Variants in CATSPERD observed in about 807,000 individuals in gnomAD.
The protein encoded by CATSPERD is catsper channel auxiliary subunit delta, also known as cation channel sperm-associated auxiliary subunit delta.
A neutral mutation model predicts 98.1 loss-of-function variants in CATSPERD; 86 were observed. That is an observed-to-expected ratio of 0.88 (90% CI 0.74 to 1.05). The LOEUF (loss-of-function observed/expected upper bound fraction) is 1.05. Ranked by LOEUF, CATSPERD falls within the 50% of genes least tolerant of loss-of-function variation. CATSPERD has a pLI of 0.00. For synonymous variants in CATSPERD, 394 were observed against 390.2 expected (o/e 1.01, Z -0.12); for missense variants, 995 against 1,005.7 (o/e 0.99, Z 0.14).
In CATSPERD at chr19:5,763,313, T is replaced by G. The variant is rs758768943; in HGVS notation, c.1506+20T>G. 6.2e-7 allele frequency: 1 copy of G among 1,600,300 alleles called. No individual in the cohort carries two copies. Among genetic ancestry groups the G allele is most frequent in the Non-Finnish European group, 8.6e-7 (1 of 1,167,410 alleles). On this transcript the variant is annotated intron_variant, in intron 16 of 21. Coordinates refer to ENST00000381624, the MANE Select transcript of CATSPERD (RefSeq NM_152784.4). Reference sequence around the variant, plus strand: ...CCACTGGTAGGTCCCAAATCTTTGCTGTCCCATATTCGGTGTCATAAGTGT... The same window carrying G: ...CCACTGGTAGGTCCCAAATCTTTGCGGTCCCATATTCGGTGTCATAAGTGT...
intron 19 of CATSPERD, chr19:5,772,318 C>A: frequency 4.2e-6 from 1 of 239,098 alleles, no homozygotes; most frequent in South Asian, 3.7e-5. Flanking sequence ...AGCTCTGCCT[C>A]CCGGGTTCAC....
At position 5,758,001 on chromosome 19, in the gene CATSPERD, C is replaced by T. The variant is rs540433753; in HGVS notation, c.1368+69C>T. 2,480 of 1,358,216 alleles carry T rather than the reference C, an allele frequency of 1.8e-3. 3 individuals are homozygous for T. The highest frequency in any genetic ancestry group is 2.4e-3 in the Non-Finnish European group (2,322 of 985,316). 84.1% of individuals were successfully genotyped at this position (1,358,216 alleles called of 1,614,324 possible). ...GGCCCCCTCTTCCTCCTTCCCTTAT[C>T]AGCATAAAAATTTAGGAGTTTCCAG... On this transcript the variant is annotated intron_variant, in intron 14 of 21. Transcript: ENST00000381624.
At position 5,763,847 on chromosome 19, in the gene CATSPERD, C is replaced by CTTTTTTTTTTTTTTTTTTTTTTTTTTTT; in HGVS notation, c.1506+572_1506+573insTTTTTTTTTTTTTTTTTTTTTTTTTTTT. Among the ~76,000 whole-genome samples, 128 of 62,096 alleles carry CTTTTTTTTTTTTTTTTTTTTTTTTTTTT rather than the reference C, an allele frequency of 2.1e-3. 25 individuals carry two copies. The highest frequency in any genetic ancestry group is 3.3e-3 in the Non-Finnish European group (104 of 31,372). The allele number at this position is 62,096 out of a possible 152,430, so 40.7% of individuals were successfully genotyped here. A position where few individuals can be genotyped will look rare whatever the true frequency, so the allele number is the denominator to read the frequency against. On this transcript the variant is annotated intron_variant, in intron 16 of 21. Coordinates refer to ENST00000381624, the MANE Select transcript of CATSPERD (RefSeq NM_152784.4). ...TGTTGGCCAGGCTGGTCTTGAACTC[C>CTTTTTTTTTTTTTTTTTTTTTTTTTTTT]TTTTTTTTTTTTTTTTTTGACATGG...
Position 5,720,685 on chromosome 19 carries a change from A to T in CATSPERD, c.-53A>T. The T allele has an allele frequency of 6.4e-7, 1 of 1,557,258 alleles. No homozygotes were observed. Among genetic ancestry groups the T allele is most frequent in the Non-Finnish European group, 8.8e-7 (1 of 1,142,200 alleles). On this transcript the variant is annotated 5_prime_UTR_variant, in exon 1 of 22. Transcript: ENST00000381624. ...CAGCCTGCACGTACTCGGATTGTGC[A>T]GCGACTCCCCGTGGCGGTTGAGGGG...
At chr19:5,749,803 ATT>A (rs199802101) in intron 11 of CATSPERD, among the ~76,000 whole-genome samples, 16 of 134,936 alleles carry the variant, frequency 1.2e-4, no homozygotes, top group Admixed American at 3.1e-4. Flanking sequence ...TGCCTATCTA[ATT>A]TTTTTTTTTT....
At chr19:5,751,038 A>G (rs1199329380) in intron 11 of CATSPERD, among the ~76,000 whole-genome samples, 4 of 148,082 alleles carry the variant, frequency 2.7e-5, no homozygotes. Context: ...ACATGGTGAA[A>G]CTCGTCTCTA....
chr19:5,738,655 C>G (rs551893651), intron 6 of CATSPERD, among the ~76,000 whole-genome samples: 1 of 152,182 alleles, frequency 6.6e-6, no homozygotes, highest in Non-Finnish European at 1.5e-5. Context: ...GCAATCTCGG[C>G]TCATTGCAAC....
intron 10 of CATSPERD, 78 bp from the exon 11 acceptor site, chr19:5,749,023 C>A (rs2056152820): frequency 1.5e-6 from 2 of 1,291,256 alleles, no homozygotes; most frequent in East Asian, 5.0e-5. Flanking sequence ...AGCCACTGCA[C>A]CCAACCACAC....
rs923124624 is a variant in CATSPERD, at chr19:5,720,679, T to C, written c.-59T>C. On this transcript the variant is annotated 5_prime_UTR_variant, in exon 1 of 22. Coordinates refer to ENST00000381624, the MANE Select transcript of CATSPERD (RefSeq NM_152784.4). ...GGGCTTCAGCCTGCACGTACTCGGATTGTGCAGCGACTCCCCGTGGCGGTT... is the reference window on the plus strand; with the variant it reads ...GGGCTTCAGCCTGCACGTACTCGGACTGTGCAGCGACTCCCCGTGGCGGTT... The C allele has an allele frequency of 1.3e-6, 2 of 1,525,454 alleles. No homozygotes were observed. Among genetic ancestry groups the C allele is most frequent in the African/African-American group, 2.7e-5 (2 of 73,498 alleles). The allele number at this position is 1,525,454 out of a possible 1,614,324, so 94.5% of individuals were successfully genotyped here. A position where few individuals can be genotyped will look rare whatever the true frequency, so the allele number is the denominator to read the frequency against.
At chr19:5,745,742 ACAAT>A (rs1157810846) in intron 8 of CATSPERD, among the ~76,000 whole-genome samples, 167 bp from the exon 9 acceptor site, 3 of 152,182 alleles carry the variant, frequency 2.0e-5, no homozygotes, top group Non-Finnish European at 4.4e-5. Context: ...CCCTAGCAAA[ACAAT>A]AAAGTTGTAT....
chr19:5,766,035 A>G (rs1599584047), intron 16 of CATSPERD, 68 bp from the exon 17 acceptor site: 10 of 1,247,576 alleles, frequency 8.0e-6, no homozygotes, highest in South Asian at 2.6e-5. Context: ...GTGTCCCTGT[A>G]TAGGGTTCAC....
chr19:5,724,808 T>C lies in CATSPERD; in HGVS notation c.72T>C (p.Arg24=). 6.2e-7 allele frequency: 1 copy of C among 1,613,908 alleles called. No individual in the cohort carries two copies. The highest frequency in any genetic ancestry group is 1.7e-5 in the Admixed American group (1 of 60,008). The part of the protein sequence containing the change: ...LRPLVTAQLC[R]SRTVRTGKVF... ...AGATGGTCTTTCTTGTCACTTCTAG[T>C]TCTCGCACAGTGAGGACAGGAAAAG... is the stretch of plus-strand genomic sequence containing the variant. Residue 24 remains arginine (R), a splice_region_variant and synonymous_variant, in exon 2 of 22, where the codon CGT becomes CGC. Transcript: ENST00000381624.
intron 7 of CATSPERD, among the ~76,000 whole-genome samples, chr19:5,740,669 G>A (rs1014397854): frequency 6.6e-6 from 1 of 151,546 alleles, no homozygotes; most frequent in Non-Finnish European, 1.5e-5. Flanking sequence ...GGGAGGCTGA[G>A]GCAGGAGAAT....
chr19:5,723,395 G>C (rs1182635474), intron 1 of CATSPERD, among the ~76,000 whole-genome samples: 9 of 150,098 alleles, frequency 6.0e-5, no homozygotes, highest in Middle Eastern at 6.8e-3. Context: ...AGCGATTCTA[G>C]TGCCTCAGCC....
At chr19:5,746,724 C>G (rs995995075) in intron 9 of CATSPERD, among the ~76,000 whole-genome samples, 4 of 152,118 alleles carry the variant, frequency 2.6e-5, no homozygotes, top group Non-Finnish European at 4.4e-5. Flanking sequence ...TGAGCCACCA[C>G]GCCCAGCCAT....
chr19:5,733,429 CCTCCTTTCTTT>C (rs1568343913), intron 4 of CATSPERD, among the ~76,000 whole-genome samples: 8 of 147,308 alleles, frequency 5.4e-5, no homozygotes, highest in African/African-American at 2.0e-4. Context: ...TTCCTTCCTT[CCTCCTTTCTTT>C]CTTTCTTTCT....
intron 18 of CATSPERD, among the ~76,000 whole-genome samples, chr19:5,768,631 C>T (rs1294837200): frequency 4.0e-5 from 6 of 151,312 alleles, no homozygotes; most frequent in Admixed American, 6.6e-5. Flanking sequence ...CCACCGCGCC[C>T]GGCCTATTAT....
chr19:5,740,020 G>A lies in CATSPERD; in HGVS notation c.573+581G>A, dbSNP rs148484708. On this transcript the variant is annotated intron_variant, in intron 7 of 21. Coordinates refer to ENST00000381624, the MANE Select transcript of CATSPERD (RefSeq NM_152784.4). ...TGACAGGCCAGGTGCGGTGCCTCAC[G>A]CATGTAATCTGAGCACTTTGGGAGG... Among the ~76,000 whole-genome samples the A allele has an allele frequency of 2.1e-3, 325 of 152,184 alleles. 3 individuals are homozygous for A. The highest frequency in any genetic ancestry group is 0.01 in the East Asian group (54 of 5,182).
chr19:5,753,334 G>A (rs1399642840), intron 12 of CATSPERD, among the ~76,000 whole-genome samples: 2 of 152,000 alleles, frequency 1.3e-5, no homozygotes, highest in East Asian at 1.9e-4. Context: ...GCTAAGGTGG[G>A]TGGATCACAA....
Sources: allele counts gnomAD v4.1 joint callset (sites outside exome capture counted in the v4.1 genomes callset), GRCh38; gene constraint gnomAD v4.1.1; transcripts MANE v1.5; gene names NCBI Gene and HGNC (gene_info 2026-07-23, HGNC 2026-07-21).